HEPHL1: variants seen among roughly 807,000 people sequenced by gnomAD.
HEPHL1 encodes the protein hephaestin like 1, also known as ferroxidase HEPHL1.
A neutral mutation model predicts 122.0 loss-of-function variants in HEPHL1; 123 were observed. The observed-to-expected ratio is 1.01, with a 90% confidence interval of 0.87 to 1.17. The LOEUF is 1.17. Among genes scored for constraint, HEPHL1 ranks in the 50% most tolerant of loss-of-function variants. The probability of loss-of-function intolerance (pLI) is 0.00; values close to 1 mark genes in which losing one functional copy is unlikely to be tolerated. For synonymous variants in HEPHL1, 527 were observed against 508.9 expected (o/e 1.04, Z -0.48); for missense variants, 1,452 against 1,430.5 (o/e 1.01, Z -0.24).
At chr11:94,090,058 G>T (rs1218783345) in intron 12 of HEPHL1, among the ~76,000 whole-genome samples, 1 of 151,694 alleles carries the variant, frequency 6.6e-6, no homozygotes, top group East Asian at 1.9e-4. Flanking sequence ...CCTTTGTTTT[G>T]AGGGGCTGTA....
rs571530780 is a variant in HEPHL1, at chr11:94,037,592, C to T, written c.171-8081C>T. Among the ~76,000 whole-genome samples, 25 of 152,128 alleles carry T rather than the reference C, an allele frequency of 1.6e-4. No individual in the cohort carries two copies. In the South Asian group the frequency reaches 4.6e-3, roughly 28 times the overall value. On this transcript the variant is annotated intron_variant, in intron 1 of 19. Transcript: ENST00000315765. ...CCCCAAGCAGCCTAACTGGGAGGCA[C>T]CCCCCCAACAGGGGCATACTGACAC...
intron 15 of HEPHL1, among the ~76,000 whole-genome samples, chr11:94,103,376 A>T (rs893853307): frequency 3.3e-5 from 5 of 152,100 alleles, no homozygotes; most frequent in South Asian, 2.1e-4. Context: ...GAACTTAAAA[A>T]GATAAAAGGT....
At chr11:94,045,276 A>G (rs1945824059) in intron 1 of HEPHL1, among the ~76,000 whole-genome samples, 1 of 152,228 alleles carries the variant, frequency 6.6e-6, no homozygotes, top group Non-Finnish European at 1.5e-5. Flanking sequence ...TTGACACTTA[A>G]TTATCTAAGC....
chr11:94,110,339 A>T (rs1368752731), intron 17 of HEPHL1, among the ~76,000 whole-genome samples: 3 of 152,184 alleles, frequency 2.0e-5, no homozygotes, highest in Non-Finnish European at 4.4e-5. Flanking sequence ...AGAATCTTTC[A>T]TGAGGAGGCA....
chr11:94,034,870 A>G (rs1225469438), intron 1 of HEPHL1, among the ~76,000 whole-genome samples: 2 of 152,152 alleles, frequency 1.3e-5, no homozygotes, highest in Non-Finnish European at 2.9e-5. Context: ...GGTGGAAGGT[A>G]AGGAAGGGGC....
chr11:94,099,821 G>A (rs780500594), intron 13 of HEPHL1, among the ~76,000 whole-genome samples: 1 of 152,228 alleles, frequency 6.6e-6, no homozygotes, highest in Non-Finnish European at 1.5e-5. Context: ...CCAGGCACCG[G>A]CTATAATCTC....
chr11:94,067,791 TACAATCAAACC>T (rs1188624528), intron 5 of HEPHL1, 41 bp downstream of exon 5: 19 of 1,594,420 alleles, frequency 1.2e-5, no homozygotes, highest in Non-Finnish European at 1.5e-5. Context: ...TTTAGAATGG[TACAATCAAACC>T]ACACAGTCAC....
intron 12 of HEPHL1, among the ~76,000 whole-genome samples, 158 bp from the exon 13 acceptor site, chr11:94,093,343 T>C (rs1946277552): frequency 6.6e-6 from 1 of 151,986 alleles, no homozygotes; most frequent in African/African-American, 2.4e-5. Context: ...CTGGCCTCAC[T>C]CCCAGAAAGT....
At chr11:94,025,441 G>A (rs1264230010) in intron 1 of HEPHL1, among the ~76,000 whole-genome samples, 2 of 152,102 alleles carry the variant, frequency 1.3e-5, no homozygotes. Flanking sequence ...GTAGGGTGGG[G>A]TCATCTTATT....
chr11:94,073,267 T>A, intron 7 of HEPHL1, 41 bp from the exon 8 acceptor site: 1 of 1,607,930 alleles, frequency 6.2e-7, no homozygotes, highest in Non-Finnish European at 8.5e-7. Flanking sequence ...TTTCTGTCTC[T>A]TTTCATTCTC....
rs74892692 is a variant in HEPHL1 at position 94,064,272 on chromosome 11, G to A, written c.629-59G>A. 6.7e-3 allele frequency: 9,096 copies of A among 1,350,802 alleles called. 204 individuals carry two copies. Among genetic ancestry groups the A allele is most frequent in the East Asian group, 0.046 (1,980 of 43,116 alleles). 83.7% of individuals were successfully genotyped at this position (1,350,802 alleles called of 1,614,324 possible). On this transcript the variant is annotated intron_variant, in intron 3 of 19. Transcript: ENST00000315765. ...CACACTTGCCTGACACTATTGGAAG[G>A]AAGCAAAGCTCATCTTGATTTAGTT...
At chr11:94,083,097 A>AAG (rs1946185808) in intron 10 of HEPHL1, among the ~76,000 whole-genome samples, 2 of 151,996 alleles carry the variant, frequency 1.3e-5, no homozygotes, top group African/African-American at 4.8e-5. Flanking sequence ...AAAAAAAAAA[A>AAG]AAATTTAAAC....
At chr11:94,109,750 G>A (rs1946434581) in intron 17 of HEPHL1, among the ~76,000 whole-genome samples, 1 of 152,084 alleles carries the variant, frequency 6.6e-6, no homozygotes, top group South Asian at 2.1e-4. Flanking sequence ...TTTTGTTATG[G>A]ATGATGGTAT....
chr11:94,048,179 C>G (rs991555848), intron 2 of HEPHL1, among the ~76,000 whole-genome samples: 1 of 152,108 alleles, frequency 6.6e-6, no homozygotes, highest in African/African-American at 2.4e-5. Flanking sequence ...CCTTTTAAGG[C>G]TGAATACTAT....
chr11:94,093,821 C>T (rs1248881586), intron 13 of HEPHL1, among the ~76,000 whole-genome samples, 181 bp downstream of exon 13: 1 of 151,218 alleles, frequency 6.6e-6, no homozygotes, highest in African/African-American at 2.4e-5. Flanking sequence ...GAGTGCTCAA[C>T]TCATACAAAA....
chr11:94,075,337 G>T lies in HEPHL1; in HGVS notation c.1668G>T (p.Gly556=). 1 of 1,613,342 alleles carries T rather than the reference G, an allele frequency of 6.2e-7. No homozygotes were observed. The highest frequency in any genetic ancestry group is 1.1e-5 in the South Asian group (1 of 91,060). The change falls in exon 9 of 20, where the codon GGG becomes GGT. Residue 556 remains glycine (G), a synonymous_variant. Coordinates refer to ENST00000315765, the MANE Select transcript of HEPHL1 (RefSeq NM_001098672.2). ...PIKDTSSGLV[G]PLLVCKKGVL... ...AGGACACCAGCTCTGGCCTGGTAGG[G>T]CCTTTGCTAGTCTGTAAAAAGGGCG...
intron 1 of HEPHL1, among the ~76,000 whole-genome samples, chr11:94,036,323 G>A (rs565401318): frequency 6.6e-6 from 1 of 152,298 alleles, no homozygotes; most frequent in South Asian, 2.1e-4. Context: ...TGAGGCTGGG[G>A]CTTGGGACTA....
Position 94,024,450 on chromosome 11 carries a change from G to A in HEPHL1, c.170+2912G>A, listed in dbSNP as rs527757534. Among the ~76,000 whole-genome samples the A allele has an allele frequency of 2.0e-5, 3 of 152,148 alleles. No homozygotes were observed. The South Asian group carries it at 6.2e-4, about 32-fold the overall frequency. On this transcript the variant is annotated intron_variant, in intron 1 of 19. Coordinates refer to ENST00000315765, the MANE Select transcript of HEPHL1 (RefSeq NM_001098672.2). Reference sequence around the variant, plus strand: ...ACTTGCCAGTTCTAGAAAGATTTTTGCAATGGTGAAAGAAAGGAGAGAGAT... The same window carrying A: ...ACTTGCCAGTTCTAGAAAGATTTTTACAATGGTGAAAGAAAGGAGAGAGAT...
chr11:94,057,538 A>G (rs1364070612), intron 2 of HEPHL1, among the ~76,000 whole-genome samples: 1 of 151,930 alleles, frequency 6.6e-6, no homozygotes, highest in Non-Finnish European at 1.5e-5. Flanking sequence ...GCTTTCTTGA[A>G]TATATTGTTG....
Sources: gnomAD v4.1 joint callset for allele counts (sites outside exome capture counted in the v4.1 genomes callset) on GRCh38, gnomAD v4.1.1 for gene constraint, MANE v1.5 for transcripts, NCBI Gene and HGNC (gene_info 2026-07-23, HGNC 2026-07-21) for gene names.